RBMS3: variants seen among roughly 807,000 people sequenced by gnomAD.
RBMS3 encodes the protein RNA binding motif single stranded interacting protein 3.
Under a neutral mutation model 66.8 loss-of-function variants are expected in RBMS3, and 27 were observed. The ratio of observed to expected loss-of-function variants is 0.40; its 90% CI spans 0.30 to 0.56. The LOEUF (loss-of-function observed/expected upper bound fraction) is 0.56. RBMS3 is among the 20% of genes least tolerant of loss of function. The pLI is 0.40. For missense variants in RBMS3, 513 were observed against 549.5 expected (o/e 0.93, Z 0.66); for synonymous variants, 188 against 183.0 (o/e 1.03, Z -0.22).
At chr3:29,696,229 G>C (rs1429157939) in intron 4 of RBMS3, among the ~76,000 whole-genome samples, 2 of 152,104 alleles carry the variant, frequency 1.3e-5, no homozygotes, top group African/African-American at 4.8e-5. Flanking sequence ...CGTGAGTTAG[G>C]CTCTCAGTTT....
At chr3:29,816,307 CACAG>C (rs747337346) in intron 6 of RBMS3, among the ~76,000 whole-genome samples, 553 of 40,672 alleles carry the variant, frequency 0.014, 3 homozygotes, top group African/African-American at 0.044. Context: ...CACAGACACA[CACAG>C]ACACACACAC....
chr3:29,871,934 T>C (rs1010442301), intron 7 of RBMS3, among the ~76,000 whole-genome samples: 1 of 152,158 alleles, frequency 6.6e-6, no homozygotes, highest in Non-Finnish European at 1.5e-5. Context: ...ACAGAAAACT[T>C]CATACACAGA....
At position 29,640,369 on chromosome 3, in the gene RBMS3, G is replaced by A. The variant is rs142478781; in HGVS notation, c.399+53164G>A. 1.3e-4 allele frequency among the ~76,000 whole-genome samples: 20 copies of A among 151,824 alleles called. No individual in the cohort carries two copies. In the East Asian group the frequency reaches 3.9e-3, roughly 29 times the overall value. On this transcript the variant is annotated intron_variant, in intron 4 of 14. Transcript: ENST00000383767. The stretch of plus-strand genomic sequence containing the variant: ...TGTTAAAATTGAGCATATATTACCT[G>A]CATAACAATGAGGAAAATGATTAAG...
intron 6 of RBMS3, among the ~76,000 whole-genome samples, chr3:29,856,345 A>C (rs146590632): frequency 8.1e-4 from 123 of 152,332 alleles, no homozygotes; most frequent in African/African-American, 2.8e-3. Flanking sequence ...AAGCAGGAAA[A>C]GAGAGAAGCC....
At position 30,007,494 on chromosome 3, in the gene RBMS3, T is replaced by C. The variant is rs1699834093; in HGVS notation, c.*3632T>C. 6.6e-6 allele frequency: 1 copy of C among 152,108 alleles called. No individual in the cohort carries two copies. Among genetic ancestry groups the C allele is most frequent in the African/African-American group, 2.4e-5 (1 of 41,440 alleles). The allele number at this position is 152,108 out of a possible 1,614,324, so 9.4% of individuals were successfully genotyped here. A position where few individuals can be genotyped will look rare whatever the true frequency, so the allele number is the denominator to read the frequency against. ...CAAATGAGAGAAACACTGTCTCGTCTAAACTCTAGTTTCATGGTCAGTGCA... is the reference window on the plus strand; with the variant it reads ...CAAATGAGAGAAACACTGTCTCGTCCAAACTCTAGTTTCATGGTCAGTGCA... On this transcript the variant is annotated 3_prime_UTR_variant, in exon 15 of 15. Transcript: ENST00000383767.
intron 3 of RBMS3, among the ~76,000 whole-genome samples, chr3:29,529,048 T>C (rs1443197212): frequency 2.0e-5 from 3 of 152,104 alleles, no homozygotes; most frequent in Non-Finnish European, 4.4e-5. Flanking sequence ...CAAGCGAAAA[T>C]TGCTTTCTAG....
intron 4 of RBMS3, among the ~76,000 whole-genome samples, chr3:29,621,354 A>G (rs879797897): frequency 6.6e-6 from 1 of 152,172 alleles, no homozygotes; most frequent in Admixed American, 6.5e-5. Context: ...GTAGTTATAA[A>G]GGATGAACTT....
At chr3:29,732,290 C>T (rs747080572) in intron 4 of RBMS3, among the ~76,000 whole-genome samples, 44 of 152,200 alleles carry the variant, frequency 2.9e-4, no homozygotes, top group African/African-American at 9.2e-4. Context: ...GGCAGTCAGA[C>T]GGGAGGAAGT....
chr3:29,940,122 A>T (rs2061355389), intron 11 of RBMS3, among the ~76,000 whole-genome samples: 1 of 151,872 alleles, frequency 6.6e-6, no homozygotes. Context: ...TCTCATAGAC[A>T]TTGGTCAAAT....
chr3:29,339,914 G>T (rs1451632658), intron 1 of RBMS3, among the ~76,000 whole-genome samples: 1 of 152,092 alleles, frequency 6.6e-6, no homozygotes, highest in Non-Finnish European at 1.5e-5. Context: ...TTTGTTGCCT[G>T]CAGGTAGGAG....
chr3:29,485,537 G>C (rs1378102188), intron 2 of RBMS3, among the ~76,000 whole-genome samples: 1 of 152,140 alleles, frequency 6.6e-6, no homozygotes, highest in African/African-American at 2.4e-5. Context: ...TTGCCAAAAA[G>C]CATCTTTGCA....
chr3:29,807,495 G>A (rs1014323778), intron 6 of RBMS3, among the ~76,000 whole-genome samples: 1 of 151,854 alleles, frequency 6.6e-6, no homozygotes, highest in Admixed American at 6.6e-5. Context: ...AGAAATAATA[G>A]CATGCATACA....
intron 1 of RBMS3, among the ~76,000 whole-genome samples, chr3:29,304,867 A>G (rs997049293): frequency 1.6e-4 from 24 of 151,718 alleles, no homozygotes; most frequent in Non-Finnish European, 3.5e-4. Context: ...TCACTCCTCA[A>G]ATTCTCAGAT....
At chr3:29,328,018 G>T (rs1260268616) in intron 1 of RBMS3, among the ~76,000 whole-genome samples, 1 of 152,190 alleles carries the variant, frequency 6.6e-6, no homozygotes, top group Admixed American at 6.5e-5. Flanking sequence ...AGAAAGAAGA[G>T]AAATTCGCAT....
chr3:29,866,852 G>A (rs1448973867), intron 6 of RBMS3, among the ~76,000 whole-genome samples: 2 of 152,204 alleles, frequency 1.3e-5, no homozygotes, highest in Non-Finnish European at 2.9e-5. Context: ...ACTGAAGTCA[G>A]AGGCTCATCA....
Position 29,738,519 on chromosome 3 carries a change from T to C in RBMS3, c.400-1201T>C, listed in dbSNP as rs149729952. Reference sequence around the variant, plus strand: ...CACACAGAAATAATGCTAGTAATTGTGGTTTGGTTTCCCATTCTATTAAGC... The same window carrying C: ...CACACAGAAATAATGCTAGTAATTGCGGTTTGGTTTCCCATTCTATTAAGC... On this transcript the variant is annotated intron_variant, in intron 4 of 14. Coordinates refer to ENST00000383767, the MANE Select transcript of RBMS3 (RefSeq NM_001003793.3). Among the ~76,000 whole-genome samples, 488 of 152,362 alleles carry C rather than the reference T, an allele frequency of 3.2e-3. 4 individuals carry two copies. The highest frequency in any genetic ancestry group is 0.011 in the African/African-American group (470 of 41,578).
chr3:29,964,497 C>T (rs765607111), intron 12 of RBMS3, among the ~76,000 whole-genome samples: 1 of 152,086 alleles, frequency 6.6e-6, no homozygotes, highest in Non-Finnish European at 1.5e-5. Flanking sequence ...ACTCATTCAC[C>T]ATTTTATATT....
At chr3:29,959,447 T>A (rs1299364133) in intron 12 of RBMS3, among the ~76,000 whole-genome samples, 2 of 152,040 alleles carry the variant, frequency 1.3e-5, no homozygotes, top group Non-Finnish European at 2.9e-5. Flanking sequence ...AGGGTGGAGG[T>A]GGAACCATCT....
intron 8 of RBMS3, among the ~76,000 whole-genome samples, chr3:29,896,723 T>C (rs1195355188): frequency 6.6e-6 from 1 of 151,596 alleles, no homozygotes; most frequent in African/African-American, 2.4e-5. Context: ...GAATTCCTGA[T>C]CTTGTAGCAT....
Sources: gnomAD v4.1 joint callset for allele counts (sites outside exome capture counted in the v4.1 genomes callset) on GRCh38, gnomAD v4.1.1 for gene constraint, MANE v1.5 for transcripts, NCBI Gene and HGNC (gene_info 2026-07-23, HGNC 2026-07-21) for gene names.